The following PPP1R14C variants were observed in gnomAD, a reference collection of about 807,000 sequenced individuals.
The protein encoded by PPP1R14C is protein phosphatase 1 regulatory subunit 14C.
Under a neutral mutation model 20.4 loss-of-function variants are expected in PPP1R14C, and 16 were observed. That is an observed-to-expected ratio of 0.78 (90% CI 0.53 to 1.19). The LOEUF is 1.19. Ranked by LOEUF, PPP1R14C falls within the 50% of genes most tolerant of loss-of-function variation. The pLI, the probability that PPP1R14C is intolerant of heterozygous loss-of-function variation, is 0.00. For missense variants in PPP1R14C, 211 were observed against 220.1 expected (o/e 0.96, Z 0.26); for synonymous variants, 91 against 91.0 (o/e 1.00, Z 0.00).
At chr6:150,226,072 C>T (rs894795983) in intron 3 of PPP1R14C, among the ~76,000 whole-genome samples, 1 of 151,196 alleles carries the variant, frequency 6.6e-6, no homozygotes, top group Non-Finnish European at 1.5e-5. Context: ...ACTTGTGTGC[C>T]CCCATTTTGA....
At chr6:150,180,045 C>T (rs537166225) in intron 1 of PPP1R14C, among the ~76,000 whole-genome samples, 1 of 152,146 alleles carries the variant, frequency 6.6e-6, no homozygotes, top group South Asian at 2.1e-4. Flanking sequence ...CTACCAAAAC[C>T]ACAAAAATTA....
intron 1 of PPP1R14C, among the ~76,000 whole-genome samples, chr6:150,187,324 G>T (rs80110546): frequency 2.7e-5 from 4 of 149,332 alleles, no homozygotes; most frequent in African/African-American, 9.8e-5. Flanking sequence ...TTTTAAGTTC[G>T]GGGTATAAGT....
At position 150,143,240 on chromosome 6, in the gene PPP1R14C, C is replaced by T. The variant is rs1301290066; in HGVS notation, c.48C>T (p.Gly16=). The change falls in exon 1 of 4, where the codon GGC becomes GGT. Residue 16 remains glycine, a synonymous_variant. Coordinates refer to ENST00000361131, the MANE Select transcript of PPP1R14C (RefSeq NM_030949.3). This position sits in a 1 kb window ranked among gnomAD's most constrained non-coding sequence, Gnocchi z 5.6. The part of the protein sequence containing the change: ...GSSETAGGAS[G]GGARVFFQSP... ...GCGAGACGGCCGGCGGGGCCAGCGGCGGCGGCGCACGGGTTTTCTTCCAAA... is the reference window on the plus strand; with the variant it reads ...GCGAGACGGCCGGCGGGGCCAGCGGTGGCGGCGCACGGGTTTTCTTCCAAA... 1 of 1,388,432 alleles carries T rather than the reference C, an allele frequency of 7.2e-7. No individual in the cohort carries two copies. The highest frequency in any genetic ancestry group is 1.6e-5 in the South Asian group (1 of 60,952). The allele number at this position is 1,388,432 out of a possible 1,614,324, so 86.0% of individuals were successfully genotyped here.
At chr6:150,209,298 C>T (rs1045511013) in intron 1 of PPP1R14C, among the ~76,000 whole-genome samples, 1 of 152,208 alleles carries the variant, frequency 6.6e-6, no homozygotes, top group Admixed American at 6.5e-5. Context: ...CTTGAACATT[C>T]CTGCCTGCTC....
intron 1 of PPP1R14C, among the ~76,000 whole-genome samples, chr6:150,163,322 C>T (rs1361227738): frequency 6.6e-6 from 1 of 152,064 alleles, no homozygotes; most frequent in Non-Finnish European, 1.5e-5. Context: ...ACCTGGGAGG[C>T]GGAGATTGCA....
intron 1 of PPP1R14C, among the ~76,000 whole-genome samples, chr6:150,175,649 G>A (rs1008790521): frequency 6.6e-6 from 1 of 152,130 alleles, no homozygotes; most frequent in Non-Finnish European, 1.5e-5. Flanking sequence ...AGGTACAGAC[G>A]GTGGGTAATT....
intron 3 of PPP1R14C, among the ~76,000 whole-genome samples, chr6:150,225,054 TC>T (rs754998176): frequency 1.3e-5 from 2 of 151,706 alleles, no homozygotes; most frequent in Non-Finnish European, 2.9e-5. Context: ...GTATTTCCCT[TC>T]CCCCAGGTCA....
At chr6:150,239,079 C>T (rs775548135) in intron 3 of PPP1R14C, among the ~76,000 whole-genome samples, 26 of 152,120 alleles carry the variant, frequency 1.7e-4, no homozygotes, top group Admixed American at 2.6e-4. Flanking sequence ...GAATGGATTC[C>T]CTTTTTAGAA....
chr6:150,149,523 C>A (rs574917190), intron 1 of PPP1R14C, among the ~76,000 whole-genome samples: 8 of 127,590 alleles, frequency 6.3e-5, no homozygotes, highest in African/African-American at 2.4e-4. Context: ...GTCTCGAATT[C>A]CTGGGCTTAA....
chr6:150,216,910 A>G, intron 3 of PPP1R14C, 54 bp downstream of exon 3: 1 of 1,435,586 alleles, frequency 7.0e-7, no homozygotes, highest in Non-Finnish European at 9.7e-7. Flanking sequence ...TTATTAAATC[A>G]ATTTGTCTAT....
intron 1 of PPP1R14C, among the ~76,000 whole-genome samples, chr6:150,194,219 G>A (rs1278884449): frequency 2.0e-5 from 3 of 152,134 alleles, no homozygotes; most frequent in Non-Finnish European, 2.9e-5. Flanking sequence ...TACCAGCAGC[G>A]TGAGAACAGA....
At chr6:150,231,189 G>A (rs573938465) in intron 3 of PPP1R14C, among the ~76,000 whole-genome samples, 17 of 152,310 alleles carry the variant, frequency 1.1e-4, no homozygotes, top group South Asian at 6.2e-4. Context: ...GGCCGCTGCC[G>A]CATCCCCTCC....
At chr6:150,247,122 T>C (rs1315662512) in intron 3 of PPP1R14C, among the ~76,000 whole-genome samples, 1 of 152,226 alleles carries the variant, frequency 6.6e-6, no homozygotes, top group Middle Eastern at 3.2e-3. Flanking sequence ...CTGTGCTTTA[T>C]AGCCAGAGAG....
chr6:150,211,822 G>A (rs554839440), intron 1 of PPP1R14C, among the ~76,000 whole-genome samples: 1 of 152,172 alleles, frequency 6.6e-6, no homozygotes, highest in Non-Finnish European at 1.5e-5. Flanking sequence ...CTGGGAGCGG[G>A]ATGCCTTTCT....
chr6:150,206,294 T>C (rs922849423), intron 1 of PPP1R14C, among the ~76,000 whole-genome samples: 6 of 152,248 alleles, frequency 3.9e-5, no homozygotes, highest in Non-Finnish European at 7.3e-5. Context: ...ATTGTACTTA[T>C]TTGTTTATTG....
chr6:150,144,243 C>T (rs1369272240), intron 1 of PPP1R14C, among the ~76,000 whole-genome samples: 1 of 152,190 alleles, frequency 6.6e-6, no homozygotes, highest in African/African-American at 2.4e-5. Flanking sequence ...GGGGGGCCTG[C>T]GGGATCCCGG....
chr6:150,148,596 C>T (rs568795268), intron 1 of PPP1R14C, among the ~76,000 whole-genome samples: 24 of 152,274 alleles, frequency 1.6e-4, no homozygotes, highest in African/African-American at 4.3e-4. Context: ...TCACATCAGC[C>T]GGCTTTGCTA....
At chr6:150,144,079 A>G (rs1021959090) in intron 1 of PPP1R14C, among the ~76,000 whole-genome samples, 3 of 152,364 alleles carry the variant, frequency 2.0e-5, no homozygotes, top group Non-Finnish European at 4.4e-5. Context: ...CGGTGTCTCC[A>G]TAATTCCGCC....
chr6:150,219,284 A>G (rs530219140), intron 3 of PPP1R14C, among the ~76,000 whole-genome samples: 12 of 152,190 alleles, frequency 7.9e-5, no homozygotes, highest in Admixed American at 1.3e-4. Flanking sequence ...GCTGGAGTGC[A>G]GTGGTACAAT....
Sources: gnomAD v4.1 joint callset for allele counts (sites outside exome capture counted in the v4.1 genomes callset) on GRCh38, gnomAD v4.1.1 for gene constraint, Gnocchi (gnomAD v3.1) non-coding constraint, MANE v1.5 for transcripts, NCBI Gene and HGNC (gene_info 2026-07-23, HGNC 2026-07-21) for gene names.